Variants in GNPAT observed in about 807,000 individuals in gnomAD.
GNPAT encodes dihydroxyacetone phosphate acyltransferase.
In GNPAT, 30 loss-of-function variants were observed where a neutral mutation model predicts 78.4. The ratio of observed to expected loss-of-function variants is 0.38; its 90% CI spans 0.29 to 0.52. The LOEUF is 0.52. Ranked by LOEUF, GNPAT falls within the 20% of genes least tolerant of loss-of-function variation. The pLI is 0.84. For synonymous variants in GNPAT, 271 were observed against 281.1 expected (o/e 0.96, Z 0.36); for missense variants, 714 against 812.2 (o/e 0.88, Z 1.47).
chr1:231,242,538 A>G (rs763702289), intron 1 of GNPAT, among the ~76,000 whole-genome samples: 30 of 152,210 alleles, frequency 2.0e-4, no homozygotes, highest in Non-Finnish European at 3.5e-4. Flanking sequence ...AAGCCTTATT[A>G]TTTAGATATA....
In GNPAT at chr1:231,277,482, C is replaced by G. The variant is rs1352161265; in HGVS notation, c.2000-17C>G. 1 of 1,545,314 alleles carries G rather than the reference C, an allele frequency of 6.5e-7. No homozygotes were observed. The highest frequency in any genetic ancestry group is 9.0e-7 in the Non-Finnish European group (1 of 1,117,162). ...ATCAGCATCATTTCATGAGCTGCTT[C>G]TCTTTTTTCATCTTAGGTTGTAAGA... On this transcript the variant is annotated splice_polypyrimidine_tract_variant and intron_variant, in intron 15 of 15. Transcript: ENST00000366647.
intron 11 of GNPAT, among the ~76,000 whole-genome samples, chr1:231,273,685 ATGT>A (rs1685630363): frequency 1.3e-5 from 2 of 152,178 alleles, no homozygotes; most frequent in South Asian, 2.1e-4. Context: ...AGGCTCAGAA[ATGT>A]TGTGTTTGAA....
At chr1:231,241,504 T>G (rs771569356) in intron 1 of GNPAT, 48 bp downstream of exon 1, 1 of 1,302,742 alleles carries the variant, frequency 7.7e-7, no homozygotes, top group Non-Finnish European at 1.1e-6. Context: ...CGCGAAATAG[T>G]ACCCCTTTCT....
chr1:231,264,285 AG>A (rs1419111763), intron 4 of GNPAT, among the ~76,000 whole-genome samples: 1 of 152,238 alleles, frequency 6.6e-6, no homozygotes, highest in African/African-American at 2.4e-5. Context: ...GTGTAAGTTA[AG>A]GGTCCAACTT....
chr1:231,256,440 C>A (rs1685062927), intron 2 of GNPAT, among the ~76,000 whole-genome samples: 1 of 134,482 alleles, frequency 7.4e-6, no homozygotes, highest in Admixed American at 7.6e-5. Flanking sequence ...TCTTGCTTTT[C>A]TTTCATACGC....
chr1:231,273,834 A>G lies in GNPAT; in HGVS notation c.1603-88A>G, dbSNP rs1342747933. 4 of 1,018,370 alleles carry G rather than the reference A, an allele frequency of 3.9e-6. No individual in the cohort carries two copies. In the East Asian group the frequency reaches 7.2e-5, roughly 18 times the overall value. 63.1% of individuals were successfully genotyped at this position (1,018,370 alleles called of 1,614,324 possible). On this transcript the variant is annotated intron_variant, in intron 11 of 15. Transcript: ENST00000366647. ...ATATATTCAGATAGGCAGTGTATCC[A>G]TTAACCTAGATGAGGGGGTACATGT...
At chr1:231,252,291 A>G (rs1427568606) in intron 2 of GNPAT, among the ~76,000 whole-genome samples, 1 of 152,180 alleles carries the variant, frequency 6.6e-6, no homozygotes, top group African/African-American at 2.4e-5. Flanking sequence ...GGGTGTAGGA[A>G]TGGAAGGAAA....
chr1:231,245,773 C>T (rs1238867485), intron 1 of GNPAT, among the ~76,000 whole-genome samples: 2 of 152,168 alleles, frequency 1.3e-5, no homozygotes, highest in Non-Finnish European at 1.5e-5. Flanking sequence ...AGCTCGCGAC[C>T]AGCCTGACCA....
chr1:231,255,745 C>T (rs866923096), intron 2 of GNPAT, among the ~76,000 whole-genome samples: 29 of 151,990 alleles, frequency 1.9e-4, no homozygotes, highest in African/African-American at 6.5e-4. Context: ...CAAAATTGGC[C>T]ACGTTGTCCA....
At position 231,275,238 on chromosome 1, in the gene GNPAT, T is replaced by G. The variant is rs1324359557; in HGVS notation, c.1761T>G (p.Leu587=). Residue 587 remains leucine (L), a synonymous_variant, in exon 13 of 16, where the codon CTT becomes CTG. Transcript: ENST00000366647. Reference sequence around the variant, plus strand: ...AAAATCAGATAATTTGCAAGTACCTTTTGAGTGAAGAAGAGGACCACTTCA... The same window carrying G: ...AAAATCAGATAATTTGCAAGTACCTGTTGAGTGAAGAAGAGGACCACTTCA... ...VESYQIICKY[L]LSEEEDHFSE... 2.5e-6 allele frequency: 4 copies of G among 1,606,068 alleles called. No individual in the cohort carries two copies. Among genetic ancestry groups the G allele is most frequent in the Admixed American group, 1.7e-5 (1 of 60,002 alleles).
At chr1:231,276,291 T>G (rs1347799347) in intron 15 of GNPAT, 95 bp downstream of exon 15, 3 of 716,238 alleles carry the variant, frequency 4.2e-6, no homozygotes, top group Non-Finnish European at 7.7e-6. Flanking sequence ...ATCAAAATGA[T>G]CAGTAAGTAG....
chr1:231,247,460 C>A (rs933101590), intron 1 of GNPAT, among the ~76,000 whole-genome samples: 2 of 152,058 alleles, frequency 1.3e-5, no homozygotes, highest in African/African-American at 4.8e-5. Context: ...ATTGAGGGTT[C>A]AGTGAAGACT....
rs1420133005 is a variant in GNPAT at position 231,273,984 on chromosome 1, C to T, written c.1665C>T (p.Asp555=). 4 of 1,607,492 alleles carry T rather than the reference C, an allele frequency of 2.5e-6. No individual in the cohort carries two copies. The highest frequency in any genetic ancestry group is 3.4e-6 in the Non-Finnish European group (4 of 1,173,986). The change falls in exon 12 of 16, where the codon GAC becomes GAT. Residue 555 remains aspartate, a synonymous_variant. Coordinates refer to ENST00000366647, the MANE Select transcript of GNPAT (RefSeq NM_014236.4). ...KSEAIQVTTK[D]ILVTEKGNTV... is the part of the protein sequence containing the mutation. Reference sequence around the variant, plus strand: ...AAGCCATACAAGTGACTACGAAAGACATCCTAGTTACAGAGAAAGGAAATA... The same window carrying T: ...AAGCCATACAAGTGACTACGAAAGATATCCTAGTTACAGAGAAAGGAAATA...
In GNPAT at chr1:231,267,666, G is replaced by A. The variant is rs758380520; in HGVS notation, c.1056-14G>A. On this transcript the variant is annotated splice_polypyrimidine_tract_variant and intron_variant, in intron 8 of 15. Coordinates refer to ENST00000366647, the MANE Select transcript of GNPAT (RefSeq NM_014236.4). ...ACAGAACTGTAATTTGTTGCTCTGTGCTCTTCCTTTTAGATACATTCCTCA... is the reference window on the plus strand; with the variant it reads ...ACAGAACTGTAATTTGTTGCTCTGTACTCTTCCTTTTAGATACATTCCTCA... The A allele has an allele frequency of 1.4e-6, 2 of 1,402,588 alleles. No homozygotes were observed. 86.9% of individuals were successfully genotyped at this position (1,402,588 alleles called of 1,614,324 possible). A position where few individuals can be genotyped will look rare whatever the true frequency, so the allele number is the denominator to read the frequency against.
chr1:231,251,188 A>C, intron 2 of GNPAT, 45 bp downstream of exon 2: 1 of 1,157,440 alleles, frequency 8.6e-7, no homozygotes, highest in East Asian at 2.4e-5. Context: ...GTTCATTGTC[A>C]ACAAGTTCTT....
chr1:231,266,072 T>C lies in GNPAT; in HGVS notation c.831T>C (p.Leu277=). ...FFKREVFDTY[L]VPISISYDKI... ...AAAGAGAAGTTTTTGATACCTACCT[T>C]GTCCCAATTAGTATCAGTTATGATA... is the stretch of plus-strand genomic sequence containing the variant. Residue 277 remains leucine (L), a synonymous_variant, in exon 7 of 16, where the codon CTT becomes CTC. Coordinates refer to ENST00000366647, the MANE Select transcript of GNPAT (RefSeq NM_014236.4). 1 of 1,610,398 alleles carries C rather than the reference T, an allele frequency of 6.2e-7. No homozygotes were observed. Among genetic ancestry groups the C allele is most frequent in the Non-Finnish European group, 8.5e-7 (1 of 1,176,732 alleles).
intron 15 of GNPAT, among the ~76,000 whole-genome samples, chr1:231,276,550 T>G (rs1048516750): frequency 6.6e-6 from 1 of 152,260 alleles, no homozygotes; most frequent in Non-Finnish European, 1.5e-5. Context: ...TTGCATTGCT[T>G]CTTTCCCAAG....
At chr1:231,272,444 T>C in intron 11 of GNPAT, 53 bp downstream of exon 11, 2 of 944,070 alleles carry the variant, frequency 2.1e-6, no homozygotes, top group South Asian at 1.3e-5. Context: ...GTTCTAGAAA[T>C]GTTAGGGGTG....
chr1:231,267,815 G>T lies in GNPAT; in HGVS notation c.1191G>T (p.Arg397=), dbSNP rs1427039091. 6.2e-7 allele frequency: 1 copy of T among 1,613,266 alleles called. No individual in the cohort carries two copies. Among genetic ancestry groups the T allele is most frequent in the Non-Finnish European group, 8.5e-7 (1 of 1,179,306 alleles). ...TAGTTGCTGTTCTGCTTCAGAACCG[G>T]CCATCCATGGACTTTGATGCTCTGG... ...TLIVAVLLQN[R]PSMDFDALVE... The change falls in exon 9 of 16, where the codon CGG becomes CGT. Residue 397 remains arginine (R), a synonymous_variant. Coordinates refer to ENST00000366647, the MANE Select transcript of GNPAT (RefSeq NM_014236.4).
Sources: allele counts gnomAD v4.1 joint callset (sites outside exome capture counted in the v4.1 genomes callset), GRCh38; gene constraint gnomAD v4.1.1; transcripts MANE v1.5; gene names NCBI Gene and HGNC (gene_info 2026-07-23, HGNC 2026-07-21).